The following JAKMIP2 variants were observed in gnomAD, a reference collection of about 807,000 sequenced individuals.
The protein encoded by JAKMIP2 is janus kinase and microtubule-interacting protein 2.
In JAKMIP2, 25 loss-of-function variants were observed where a neutral mutation model predicts 115.0. That is an observed-to-expected ratio of 0.22 (90% confidence interval 0.16 to 0.30). The LOEUF is 0.30. Ranked by LOEUF, JAKMIP2 falls within the 10% of genes least tolerant of loss-of-function variation. JAKMIP2 has a pLI of 1.00. For missense variants in JAKMIP2, 642 were observed against 957.6 expected (o/e 0.67, Z 4.35); for synonymous variants, 334 against 343.6 (o/e 0.97, Z 0.31).
At chr5:147,593,812 C>T (rs1219930666) in intron 21 of JAKMIP2, among the ~76,000 whole-genome samples, 1 of 152,150 alleles carries the variant, frequency 6.6e-6, no homozygotes, top group Non-Finnish European at 1.5e-5. Context: ...TAGTTACAAA[C>T]ACAACATTCT....
intron 9 of JAKMIP2, among the ~76,000 whole-genome samples, chr5:147,640,009 A>C (rs1581337288): frequency 1.3e-5 from 2 of 152,204 alleles, no homozygotes; most frequent in Non-Finnish European, 2.9e-5. Flanking sequence ...TACATTTCTC[A>C]TTGTTAATCA....
chr5:147,782,398 C>T (rs1449705116), intron 1 of JAKMIP2, 58 bp downstream of exon 1: 2 of 1,515,022 alleles, frequency 1.3e-6, no homozygotes, highest in Non-Finnish European at 1.8e-6. Flanking sequence ...GAAATGTATA[C>T]ACAGGTCAAA....
chr5:147,628,080 G>A (rs966359527), intron 16 of JAKMIP2, among the ~76,000 whole-genome samples: 3 of 151,778 alleles, frequency 2.0e-5, no homozygotes, highest in Non-Finnish European at 2.9e-5. Context: ...GTTACTCACA[G>A]GCATGATCAT....
intron 5 of JAKMIP2, 33 bp from the exon 6 acceptor site, chr5:147,645,029 C>G (rs758779778): frequency 5.0e-6 from 8 of 1,607,638 alleles, no homozygotes; most frequent in Non-Finnish European, 6.8e-6. Flanking sequence ...TTGTGTCTTG[C>G]GTTTGGGGGA....
intron 1 of JAKMIP2, among the ~76,000 whole-genome samples, chr5:147,721,224 G>A (rs938591909): frequency 2.6e-4 from 40 of 151,736 alleles, no homozygotes; most frequent in South Asian, 1.9e-3. Flanking sequence ...CTCCAGCTGC[G>A]TGCTGGGAGA....
At chr5:147,649,942 T>C (rs2053052) in intron 4 of JAKMIP2, among the ~76,000 whole-genome samples, 11,665 of 152,270 alleles carry the variant, frequency 0.077, 568 homozygotes, top group Middle Eastern at 0.17. Context: ...TATGCAGTTA[T>C]ACATTTTGAC....
intron 21 of JAKMIP2, among the ~76,000 whole-genome samples, chr5:147,600,122 G>T (rs1417182952): frequency 1.1e-5 from 1 of 94,884 alleles, no homozygotes; most frequent in African/African-American, 3.9e-5. Context: ...GGTGGGGGGA[G>T]GCTGTTTGTT....
chr5:147,765,290 T>C (rs186587402), intron 1 of JAKMIP2, among the ~76,000 whole-genome samples: 2 of 152,202 alleles, frequency 1.3e-5, no homozygotes, highest in East Asian at 3.9e-4. Flanking sequence ...CCAGTATTAA[T>C]TTGTATAATG....
intron 1 of JAKMIP2, among the ~76,000 whole-genome samples, chr5:147,707,857 G>T (rs563913293): frequency 6.6e-6 from 1 of 152,216 alleles, no homozygotes; most frequent in East Asian, 1.9e-4. Flanking sequence ...GTCATGATTT[G>T]AACCAAATGC....
chr5:147,742,492 A>G (rs898016621), intron 1 of JAKMIP2, among the ~76,000 whole-genome samples: 26 of 152,168 alleles, frequency 1.7e-4, no homozygotes, highest in African/African-American at 6.3e-4. Flanking sequence ...AACGAAGTCT[A>G]GCTCCCATGA....
At chr5:147,710,920 G>C (rs1752753352) in intron 1 of JAKMIP2, among the ~76,000 whole-genome samples, 1 of 152,134 alleles carries the variant, frequency 6.6e-6, no homozygotes, top group Non-Finnish European at 1.5e-5. Context: ...GGTAACAAAT[G>C]AATGTTTCTC....
At position 147,639,551 on chromosome 5, in the gene JAKMIP2, T is replaced by C. The variant is rs10515588; in HGVS notation, c.1530+81A>G. ...GAAGAATACAGGGAAAGCTGTCTTA[T>C]TGATATTTTTATGTCCACAGTGCTT... On this transcript the variant is annotated intron_variant, in intron 10 of 21. Transcript: ENST00000616793. 0.17 allele frequency: 243,667 copies of C among 1,465,526 alleles called. 25,666 individuals are homozygous for C. The highest frequency in any genetic ancestry group is 0.44 in the East Asian group (18,683 of 42,358). 90.8% of individuals were successfully genotyped at this position (1,465,526 alleles called of 1,614,324 possible). A position where few individuals can be genotyped will look rare whatever the true frequency, so the allele number is the denominator to read the frequency against.
At chr5:147,646,602 AGT>A (rs1758140825) in intron 5 of JAKMIP2, among the ~76,000 whole-genome samples, 1 of 151,878 alleles carries the variant, frequency 6.6e-6, no homozygotes, top group African/African-American at 2.4e-5. Flanking sequence ...GTTGGAAAAA[AGT>A]GTGTTTGTGT....
At chr5:147,669,216 T>C (rs1254357777) in intron 2 of JAKMIP2, among the ~76,000 whole-genome samples, 4 of 152,204 alleles carry the variant, frequency 2.6e-5, no homozygotes, top group Non-Finnish European at 5.9e-5. Context: ...GTTTGCCCTC[T>C]AAATTCCCTT....
chr5:147,714,792 G>GT (rs1248454690), intron 1 of JAKMIP2, among the ~76,000 whole-genome samples: 2 of 152,112 alleles, frequency 1.3e-5, no homozygotes, highest in Non-Finnish European at 2.9e-5. Context: ...TTGAAAGAAG[G>GT]TAACTACCCA....
At chr5:147,613,755 C>T (rs974415266) in intron 19 of JAKMIP2, among the ~76,000 whole-genome samples, 2 of 152,134 alleles carry the variant, frequency 1.3e-5, no homozygotes, top group African/African-American at 4.8e-5. Context: ...TTATCTGCTT[C>T]AAAATTTCAG....
chr5:147,732,704 G>A (rs1434536591), intron 1 of JAKMIP2, among the ~76,000 whole-genome samples: 1 of 152,124 alleles, frequency 6.6e-6, no homozygotes, highest in Admixed American at 6.5e-5. Context: ...ACCCCACAAT[G>A]TAAGTGCTTT....
At chr5:147,764,775 A>G (rs1030053269) in intron 1 of JAKMIP2, among the ~76,000 whole-genome samples, 1 of 151,174 alleles carries the variant, frequency 6.6e-6, no homozygotes, top group Non-Finnish European at 1.5e-5. Context: ...AGTCTCAGCT[A>G]TTCAGGAGGC....
chr5:147,670,684 A>AT (rs1759533476), intron 2 of JAKMIP2, among the ~76,000 whole-genome samples: 1 of 152,184 alleles, frequency 6.6e-6, no homozygotes, highest in African/African-American at 2.4e-5. Flanking sequence ...CCTGACGTAA[A>AT]TTTTTTTGTT....
Sources: gnomAD v4.1 joint callset for allele counts (sites outside exome capture counted in the v4.1 genomes callset) on GRCh38, gnomAD v4.1.1 for gene constraint, MANE v1.5 for transcripts, NCBI Gene and HGNC (gene_info 2026-07-23, HGNC 2026-07-21) for gene names.